Variants in TMC2 observed in about 807,000 individuals in gnomAD.
The protein encoded by TMC2 is transmembrane channel like 2, also known as transmembrane channel-like protein 2.
TMC2 carries 102 observed loss-of-function variants against 105.9 expected under a neutral mutation model. That is an observed-to-expected ratio of 0.96 (90% CI 0.82 to 1.14). The LOEUF (loss-of-function observed/expected upper bound fraction) is 1.14, where lower values mean the gene tolerates loss of function less well. Ranked by LOEUF, TMC2 falls within the 50% of genes most tolerant of loss-of-function variation. The pLI is 0.00. For missense variants in TMC2, 1,093 were observed against 1,134.3 expected, an observed-to-expected ratio of 0.96 and a Z score of 0.52; for synonymous variants, 402 against 422.8, an observed-to-expected ratio of 0.95 and a Z score of 0.60.
At chr20:2,547,375 T>C (rs1425155179) in intron 2 of TMC2, among the ~76,000 whole-genome samples, 4 of 152,172 alleles carry the variant, frequency 2.6e-5, no homozygotes, top group Non-Finnish European at 5.9e-5. Context: ...AAACAGACCA[T>C]AGACAATGGA....
chr20:2,617,244 C>T lies in TMC2; in HGVS notation c.2113C>T (p.Leu705Phe), dbSNP rs1271191915. ...GGGCCTCCTGCTGCTGGTGCTCTTC[C>T]TCAGCCTCCTGCCGGTGGCCTACAC... ...YMGLLLLVLF[L>F]SLLPVAYTIM... The change falls in exon 16 of 20, where the codon CTC becomes TTC. Residue 705 changes from leucine to phenylalanine, a missense_variant. Coordinates refer to ENST00000358864, the MANE Select transcript of TMC2 (RefSeq NM_080751.3). 3 of 1,614,240 alleles carry T rather than the reference C, an allele frequency of 1.9e-6. No individual in the cohort carries two copies. Among genetic ancestry groups the T allele is most frequent in the East Asian group, 2.2e-5 (1 of 44,884 alleles).
At chr20:2,591,473 G>T (rs765712767) in intron 7 of TMC2, among the ~76,000 whole-genome samples, 2 of 152,180 alleles carry the variant, frequency 1.3e-5, no homozygotes, top group African/African-American at 2.4e-5. Context: ...GGGAGGCCAA[G>T]GTAGTAGGAT....
intron 4 of TMC2, among the ~76,000 whole-genome samples, chr20:2,570,945 A>G (rs558281288): frequency 4.1e-4 from 62 of 152,328 alleles, no homozygotes; most frequent in African/African-American, 1.4e-3. Context: ...CTGGCTAGAC[A>G]TATGCAGAAG....
chr20:2,584,429 G>A (rs1049699083), intron 7 of TMC2, among the ~76,000 whole-genome samples: 5 of 142,236 alleles, frequency 3.5e-5, no homozygotes, highest in East Asian at 2.0e-4. Flanking sequence ...GGGCGACAGA[G>A]CGAGACTCCG....
chr20:2,581,424 C>A (rs2086188804), intron 7 of TMC2, among the ~76,000 whole-genome samples: 1 of 152,180 alleles, frequency 6.6e-6, no homozygotes, highest in Non-Finnish European at 1.5e-5. Context: ...ATTCTTATGC[C>A]AATATCACTC....
At chr20:2,604,442 C>T (rs2086374548) in intron 11 of TMC2, among the ~76,000 whole-genome samples, 2 of 152,182 alleles carry the variant, frequency 1.3e-5, no homozygotes, top group Admixed American at 1.3e-4. Context: ...TATTTTGAGA[C>T]ATTAGGATCA....
intron 2 of TMC2, among the ~76,000 whole-genome samples, chr20:2,537,703 T>C (rs1297032819): frequency 6.6e-6 from 1 of 152,046 alleles, no homozygotes; most frequent in Middle Eastern, 3.2e-3. Context: ...GTAGTAGGCA[T>C]AATGGGTGCT....
At chr20:2,578,245 C>A (rs6050294) in intron 5 of TMC2, among the ~76,000 whole-genome samples, 2 of 151,432 alleles carry the variant, frequency 1.3e-5, no homozygotes, top group Admixed American at 6.6e-5. Flanking sequence ...GCTTGAACCC[C>A]GGAGGTGGAG....
Position 2,624,271 on chromosome 20 carries a change from T to G in TMC2, c.2181T>G (p.Ser727Arg), listed in dbSNP as rs193219050. ...ATATTGTGTCCTCTCCTTTTTCCAG[T>G]GGGAAAAACAGAATGTACGATGTCC... The part of the protein sequence containing the change: ...LPPSFDCGPF[S>R]GKNRMYDVLQ... The change falls in exon 17 of 20, where the codon AGT (serine) becomes AGG (arginine). Residue 727 changes from serine (S) to arginine (R), a missense_variant and splice_region_variant. Physicochemically the swap from Ser to Arg is moderately radical, Grantham distance 110 (BLOSUM62 -1). Transcript: ENST00000358864. 5 of 1,613,728 alleles carry G rather than the reference T, an allele frequency of 3.1e-6. No homozygotes were observed. Among genetic ancestry groups the G allele is most frequent in the African/African-American group, 1.3e-5 (1 of 75,020 alleles).
chr20:2,599,231 G>C (rs1568519415), intron 10 of TMC2, among the ~76,000 whole-genome samples: 1 of 149,438 alleles, frequency 6.7e-6, no homozygotes, highest in Non-Finnish European at 1.5e-5. Context: ...TCGCACCACG[G>C]CATTCCAGCC....
chr20:2,588,779 T>A (rs762888054), intron 7 of TMC2, among the ~76,000 whole-genome samples: 3 of 151,658 alleles, frequency 2.0e-5, no homozygotes, highest in Non-Finnish European at 4.4e-5. Flanking sequence ...CTCTTTTCAG[T>A]ATCTTCCATC....
rs374075990 is a variant in TMC2 at position 2,573,194 on chromosome 20, A to T, written c.645+925A>T. On this transcript the variant is annotated intron_variant, in intron 5 of 19. Transcript: ENST00000358864. ...TGCCCATGTTTCTACATGCATTTTT[A>T]AAAATCCCTTTGCCAAGTTCCACCA... Among the ~76,000 whole-genome samples, 105 of 152,324 alleles carry T rather than the reference A, an allele frequency of 6.9e-4. 1 individual carries two copies. The highest frequency in any genetic ancestry group is 2.5e-3 in the African/African-American group (102 of 41,580).
chr20:2,571,853 A>C (rs551749484), intron 4 of TMC2, among the ~76,000 whole-genome samples: 2 of 151,528 alleles, frequency 1.3e-5, no homozygotes, highest in Admixed American at 1.3e-4. Context: ...ATAAATAAAT[A>C]AAATAAAATC....
At chr20:2,585,514 G>A (rs2086225644) in intron 7 of TMC2, among the ~76,000 whole-genome samples, 1 of 152,090 alleles carries the variant, frequency 6.6e-6, no homozygotes, top group African/African-American at 2.4e-5. Context: ...CTGGCTTGGG[G>A]TCTCCCACAG....
chr20:2,626,533 G>A (rs1312483134), intron 17 of TMC2, among the ~76,000 whole-genome samples: 4 of 152,234 alleles, frequency 2.6e-5, no homozygotes, highest in African/African-American at 9.6e-5. Context: ...CCAGGTTCAA[G>A]AGAAAGAAAT....
At chr20:2,609,450 G>A (rs573739052) in intron 11 of TMC2, among the ~76,000 whole-genome samples, 5 of 146,434 alleles carry the variant, frequency 3.4e-5, no homozygotes, top group South Asian at 4.1e-4. Flanking sequence ...AGATGCCCAA[G>A]ATGAATTCTA....
chr20:2,565,194 T>C (rs2086055216), intron 4 of TMC2, among the ~76,000 whole-genome samples: 1 of 152,224 alleles, frequency 6.6e-6, no homozygotes. Context: ...ATACAGCCAG[T>C]CTTTGCTGGG....
rs767660176 is a variant in TMC2, at chr20:2,610,604, A to T, written c.1593+6A>T. 4.5e-6 allele frequency: 7 copies of T among 1,570,446 alleles called. No individual in the cohort carries two copies. The highest frequency in any genetic ancestry group is 5.2e-6 in the Non-Finnish European group (6 of 1,154,990). ...TGGATGACGTCCACCTCAAGGTAAA[A>T]ACCACAACACCCCCCACCCCACTGC... is the stretch of plus-strand genomic sequence containing the variant. On this transcript the variant is annotated splice_donor_region_variant and intron_variant, in intron 12 of 19. Transcript: ENST00000358864.
chr20:2,540,372 T>C (rs2085881379), intron 2 of TMC2, among the ~76,000 whole-genome samples: 1 of 151,684 alleles, frequency 6.6e-6, no homozygotes, highest in South Asian at 2.1e-4. Flanking sequence ...CTCAAAGACA[T>C]GGACATGGCC....
Sources: gnomAD v4.1 joint callset for allele counts (sites outside exome capture counted in the v4.1 genomes callset) on GRCh38, gnomAD v4.1.1 for gene constraint, MANE v1.5 for transcripts, NCBI Gene and HGNC (gene_info 2026-07-23, HGNC 2026-07-21) for gene names.